The following IMPG2 variants were observed in gnomAD, a reference collection of about 807,000 sequenced individuals.
The protein encoded by IMPG2 is IPM 200.
In IMPG2, 91 loss-of-function variants were observed where a neutral mutation model predicts 129.2. That is an observed-to-expected ratio of 0.70 (90% CI 0.59 to 0.84). The LOEUF is 0.84. IMPG2 is among the 40% of genes least tolerant of loss of function. The pLI is 0.00. For synonymous variants in IMPG2, 510 were observed against 517.7 expected, an observed-to-expected ratio of 0.99 and a Z score of 0.20; for missense variants, 1,430 against 1,461.7, an observed-to-expected ratio of 0.98 and a Z score of 0.35.
In IMPG2 at chr3:101,304,304, C is replaced by T; in HGVS notation, c.343G>A (p.Glu115Lys). The T allele has an allele frequency of 6.2e-7, 1 of 1,613,776 alleles. No individual in the cohort carries two copies. Residue 115 changes from glutamate (E) to lysine (K), a missense_variant, in exon 3 of 19, where the codon GAA becomes AAA. Physicochemically the swap from Glu to Lys is moderately conservative, Grantham distance 56. Transcript: ENST00000193391. ...GTCCTGAAGGCTTCCCAGACAGCTT[C>T]CTGACACACTAGAAAATAGAGAGGT... ...VKYFKVRVCQ[E>K]AVWEAFRTFW... is the part of the protein sequence containing the mutation.
intron 9 of IMPG2, among the ~76,000 whole-genome samples, chr3:101,261,500 T>G (rs72932464): frequency 0.022 from 3,421 of 152,300 alleles, 123 homozygotes; most frequent in African/African-American, 0.078. Context: ...TGTTACTCTT[T>G]ATTGGCAAAA....
chr3:101,239,175 C>T (rs142187703), intron 14 of IMPG2, among the ~76,000 whole-genome samples: 2,828 of 152,192 alleles, frequency 0.019, 84 homozygotes, highest in African/African-American at 0.065. Flanking sequence ...AACATTTTTG[C>T]AATCTATCCA....
chr3:101,226,261 A>ATATATATATATATT lies in IMPG2; in HGVS notation c.*707_*708insAATATATATATATA, dbSNP rs1706222581. 3.2e-5 allele frequency: 1 copy of ATATATATATATATT among 31,558 alleles called. No individual in the cohort carries two copies. Among genetic ancestry groups the ATATATATATATATT allele is most frequent in the African/African-American group, 8.4e-5 (1 of 11,944 alleles). 2.0% of individuals were successfully genotyped at this position (31,558 alleles called of 1,614,324 possible). A position where few individuals can be genotyped will look rare whatever the true frequency, so the allele number is the denominator to read the frequency against. On this transcript the variant is annotated 3_prime_UTR_variant, in exon 19 of 19. Transcript: ENST00000193391. ...TATATATATATATATATATATATAT[A>ATATATATATATATT]TATATATATATATATATATGCATTC...
At chr3:101,276,905 A>G (rs1311199232) in intron 4 of IMPG2, among the ~76,000 whole-genome samples, 192 bp from the exon 5 acceptor site, 2 of 152,046 alleles carry the variant, frequency 1.3e-5, no homozygotes, top group East Asian at 3.8e-4. Flanking sequence ...ATTGATGCCT[A>G]CTCCACTAGA....
At chr3:101,262,390 C>T (rs914250243) in intron 9 of IMPG2, among the ~76,000 whole-genome samples, 5 of 152,056 alleles carry the variant, frequency 3.3e-5, no homozygotes, top group African/African-American at 7.2e-5. Flanking sequence ...TTATATATCT[C>T]ATAGACTATT....
Position 101,253,733 on chromosome 3 carries a change from T to C in IMPG2, c.1202A>G (p.Gln401Arg). ...HQTEDLVWNTQSSSLQATPSS... is the reference protein window; with the variant it reads ...HQTEDLVWNTRSSSLQATPSS... ...CGGCGTTGCCTGAAGACTTGAACTT[T>C]GGGTGTTCCAAACTAGATCTTCAGT... The change falls in exon 11 of 19, where the codon CAA becomes CGA. Residue 401 changes from glutamine to arginine, a missense_variant. By Grantham distance (43) the Gln-to-Arg change is conservative. Coordinates refer to ENST00000193391, the MANE Select transcript of IMPG2 (RefSeq NM_016247.4). 1 of 1,612,200 alleles carries C rather than the reference T, an allele frequency of 6.2e-7. No homozygotes were observed. The highest frequency in any genetic ancestry group is 8.5e-7 in the Non-Finnish European group (1 of 1,179,080).
chr3:101,271,975 G>A (rs1014595963), intron 7 of IMPG2, among the ~76,000 whole-genome samples: 2 of 152,028 alleles, frequency 1.3e-5, no homozygotes, highest in African/African-American at 2.4e-5. Flanking sequence ...GGATCACACC[G>A]ACACTGGAAC....
At chr3:101,266,010 A>G (rs948840264) in intron 9 of IMPG2, among the ~76,000 whole-genome samples, 2 of 152,232 alleles carry the variant, frequency 1.3e-5, no homozygotes, top group South Asian at 2.1e-4. Context: ...GTATCATCTC[A>G]TGCCAGTTAG....
At chr3:101,243,490 A>G (rs771860474) in intron 13 of IMPG2, 39 bp downstream of exon 13, 25 of 1,586,584 alleles carry the variant, frequency 1.6e-5, no homozygotes, top group Non-Finnish European at 1.7e-5. Context: ...GTCATACATG[A>G]TTATTCACTA....
At chr3:101,251,087 A>G (rs1241322278) in intron 11 of IMPG2, among the ~76,000 whole-genome samples, 2 of 152,212 alleles carry the variant, frequency 1.3e-5, no homozygotes, top group Non-Finnish European at 2.9e-5. Context: ...ACCTTAAAAA[A>G]AATTCATGTG....
At position 101,320,545 on chromosome 3, in the gene IMPG2, G is replaced by T; in HGVS notation, c.-173C>A. 1.7e-6 allele frequency: 1 copy of T among 605,392 alleles called. No homozygotes were observed. The highest frequency in any genetic ancestry group is 2.9e-5 in the East Asian group (1 of 34,934). The allele number at this position is 605,392 out of a possible 1,614,324, so 37.5% of individuals were successfully genotyped here. A position where few individuals can be genotyped will look rare whatever the true frequency, so the allele number is the denominator to read the frequency against. On this transcript the variant is annotated 5_prime_UTR_variant, in exon 1 of 19. Transcript: ENST00000193391. The stretch of plus-strand genomic sequence containing the variant: ...TAAATTAGCGGAAAGAAAAATGGTT[G>T]TCCTTTCAAAGTAGCTCTCACTTCT...
chr3:101,294,417 T>C lies in IMPG2; in HGVS notation c.502-2907A>G, dbSNP rs1707055805. On this transcript the variant is annotated intron_variant, in intron 3 of 18. Coordinates refer to ENST00000193391, the MANE Select transcript of IMPG2 (RefSeq NM_016247.4). The stretch of plus-strand genomic sequence containing the variant: ...TTCATCCATGTCTCTGCAAAGGACA[T>C]GCTCTCATTCCTTTTTATGGCTGCA... Among the ~76,000 whole-genome samples the C allele has an allele frequency of 1.3e-5, 2 of 152,244 alleles. 1 individual carries two copies. The highest frequency in any genetic ancestry group is 4.1e-4 in the South Asian group (2 of 4,828).
chr3:101,263,301 T>G (rs1258088246), intron 9 of IMPG2, among the ~76,000 whole-genome samples: 1 of 152,044 alleles, frequency 6.6e-6, no homozygotes, highest in Non-Finnish European at 1.5e-5. Flanking sequence ...ACTGACCATA[T>G]GTTAGGACAC....
intron 2 of IMPG2, among the ~76,000 whole-genome samples, chr3:101,311,593 T>C (rs1019338555): frequency 1.3e-5 from 2 of 152,146 alleles, no homozygotes; most frequent in African/African-American, 4.8e-5. Context: ...AAACGTCCCA[T>C]ATTTATAGAC....
chr3:101,262,545 T>TA (rs1706680960), intron 9 of IMPG2, among the ~76,000 whole-genome samples: 1 of 151,956 alleles, frequency 6.6e-6, no homozygotes, highest in African/African-American at 2.4e-5. Context: ...GTGACATCAC[T>TA]AATATGGCTG....
At chr3:101,250,323 G>A in intron 11 of IMPG2, among the ~76,000 whole-genome samples, 1 of 152,166 alleles carries the variant, frequency 6.6e-6, no homozygotes, top group Non-Finnish European at 1.5e-5. Flanking sequence ...TCCAGAAAGT[G>A]AAAGGCAAAA....
At chr3:101,281,094 A>G (rs1706888761) in intron 4 of IMPG2, among the ~76,000 whole-genome samples, 1 of 152,216 alleles carries the variant, frequency 6.6e-6, no homozygotes. Context: ...AGACCTGATA[A>G]TAGACTTGGG....
chr3:101,267,461 C>T (rs1014534302), intron 9 of IMPG2, 50 bp downstream of exon 9: 3 of 1,522,268 alleles, frequency 2.0e-6, no homozygotes, highest in Non-Finnish European at 2.7e-6. Flanking sequence ...GCTATATTTA[C>T]TAAACTGTCT....
intron 14 of IMPG2, among the ~76,000 whole-genome samples, chr3:101,238,077 C>T (rs566395202): frequency 1.8e-4 from 28 of 151,724 alleles, no homozygotes; most frequent in African/African-American, 6.0e-4. Flanking sequence ...GTGAAGCATA[C>T]ACAAGTATCA....
Sources: allele counts gnomAD v4.1 joint callset (sites outside exome capture counted in the v4.1 genomes callset), GRCh38; gene constraint gnomAD v4.1.1; transcripts MANE v1.5; gene names NCBI Gene and HGNC (gene_info 2026-07-23, HGNC 2026-07-21).